TENM3: variants seen among roughly 807,000 people sequenced by gnomAD.
TENM3 encodes teneurin-3.
In TENM3, 63 loss-of-function variants were observed where a neutral mutation model predicts 255.1. That is an observed-to-expected ratio of 0.25 (90% confidence interval 0.20 to 0.30). The LOEUF (loss-of-function observed/expected upper bound fraction) is 0.30. Ranked by LOEUF, TENM3 falls within the 10% of genes least tolerant of loss-of-function variation. TENM3 has a pLI of 1.00. For synonymous variants in TENM3, 1,306 were observed against 1,322.3 expected (o/e 0.99, Z 0.27); for missense variants, 2,929 against 3,461.1 (o/e 0.85, Z 3.86).
intron 1 of TENM3, among the ~76,000 whole-genome samples, chr4:182,215,549 T>TA (rs748540584): frequency 6.6e-6 from 1 of 152,200 alleles, no homozygotes; most frequent in Non-Finnish European, 1.5e-5. Flanking sequence ...AAAATCCTCT[T>TA]ACGTTCATTT....
In TENM3 at chr4:182,601,081, C is replaced by T. The variant is rs781215278; in HGVS notation, c.669C>T (p.Pro223=). 79 of 1,613,680 alleles carry T rather than the reference C, an allele frequency of 4.9e-5. No individual in the cohort carries two copies. The highest frequency in any genetic ancestry group is 4.7e-4 in the East Asian group (21 of 44,838). Reference sequence around the variant, plus strand: ...GTCCGGCCCCGCCGGCTGCTTTGCCCGCCGAGCTGCAAACCACACCCGAGT... The same window carrying T: ...GTCCGGCCCCGCCGGCTGCTTTGCCTGCCGAGCTGCAAACCACACCCGAGT... The part of the protein sequence containing the change: ...NQSPAPPAAL[P]AELQTTPESV... Residue 223 remains proline (P), a synonymous_variant, in exon 4 of 28, where the codon CCC becomes CCT. Transcript: ENST00000511685.
intron 3 of TENM3, among the ~76,000 whole-genome samples, chr4:182,455,586 G>A (rs1413429621): frequency 1.8e-5 from 2 of 113,628 alleles, no homozygotes; most frequent in East Asian, 2.6e-4. Context: ...TTTTGAGACC[G>A]AGTCTCACTA....
the TENM3 span, among the ~76,000 whole-genome samples, chr4:181,761,461 C>T: frequency 6.6e-6 from 1 of 151,916 alleles, no homozygotes; most frequent in African/African-American, 2.4e-5. Context: ...GGAGAAATGA[C>T]TCATATTCTC....
the TENM3 span, among the ~76,000 whole-genome samples, chr4:182,028,833 A>G: frequency 6.6e-6 from 1 of 151,866 alleles, no homozygotes; most frequent in African/African-American, 2.4e-5. Context: ...CAATTTTTTA[A>G]ATATTTTAAG....
intron 3 of TENM3, among the ~76,000 whole-genome samples, chr4:182,387,992 AT>A (rs1001421832): frequency 2.0e-5 from 3 of 150,568 alleles, no homozygotes; most frequent in Non-Finnish European, 3.0e-5. Flanking sequence ...TTGCTTTGGA[AT>A]TTTTTTTTCT....
the TENM3 span, among the ~76,000 whole-genome samples, chr4:181,855,001 G>A: frequency 1.3e-5 from 2 of 151,990 alleles, no homozygotes; most frequent in Non-Finnish European, 2.9e-5. Flanking sequence ...TAATTGGTTG[G>A]GTATATACTG....
At chr4:182,628,460 G>A (rs1464383875) in intron 4 of TENM3, among the ~76,000 whole-genome samples, 191 bp from the exon 5 acceptor site, 2 of 152,054 alleles carry the variant, frequency 1.3e-5, no homozygotes, top group South Asian at 2.1e-4. Context: ...TTTCATTAGA[G>A]TCATTATTGT....
chr4:182,666,165 G>A (rs973617948), intron 6 of TENM3, among the ~76,000 whole-genome samples: 2 of 152,162 alleles, frequency 1.3e-5, no homozygotes, highest in Non-Finnish European at 2.9e-5. Flanking sequence ...ACGAGGAGTT[G>A]TTCTTATGGA....
chr4:181,673,078 A>T, the TENM3 span, among the ~76,000 whole-genome samples: 2 of 152,220 alleles, frequency 1.3e-5, no homozygotes, highest in Admixed American at 6.5e-5. Flanking sequence ...TAGAACTAGG[A>T]CCCTAGGCAT....
the TENM3 span, among the ~76,000 whole-genome samples, chr4:181,882,116 C>A: frequency 1.4e-4 from 22 of 152,122 alleles, no homozygotes; most frequent in South Asian, 3.3e-3. Context: ...GCTTCTGAGT[C>A]CCCCCCGTTC....
intron 1 of TENM3, among the ~76,000 whole-genome samples, chr4:182,255,425 C>T (rs150263447): frequency 1.4e-4 from 22 of 152,308 alleles, no homozygotes; most frequent in Non-Finnish European, 3.1e-4. Context: ...CCCGCTGTCT[C>T]GTTCACTCCC....
chr4:182,250,710 T>G (rs151183483), intron 1 of TENM3, among the ~76,000 whole-genome samples: 112 of 152,348 alleles, frequency 7.4e-4, no homozygotes, highest in Admixed American at 1.2e-3. Context: ...AAATTAGTCA[T>G]TCTGGCTAAC....
At chr4:182,319,090 G>A (rs1255112042) in intron 1 of TENM3, among the ~76,000 whole-genome samples, 2 of 152,082 alleles carry the variant, frequency 1.3e-5, no homozygotes, top group African/African-American at 4.8e-5. Flanking sequence ...TCTTTTGTTT[G>A]TTTTTTTGTT....
In TENM3 at chr4:182,579,342, T is replaced by C. The variant is rs79212392; in HGVS notation, c.512-21582T>C. 6.9e-3 allele frequency among the ~76,000 whole-genome samples: 1,044 copies of C among 150,572 alleles called. 39 individuals are homozygous for C. The East Asian group carries it at 0.083, about 12-fold the overall frequency. On this transcript the variant is annotated intron_variant, in intron 3 of 27. Coordinates refer to ENST00000511685, the MANE Select transcript of TENM3 (RefSeq NM_001080477.4). ...AATAAATGAGAGGTAGGGAAGGGTC[T>C]AGGTAGGATAATGCAATGGGAAAAC... is the stretch of plus-strand genomic sequence containing the variant.
chr4:182,094,813 A>C, the TENM3 span, among the ~76,000 whole-genome samples: 1 of 152,192 alleles, frequency 6.6e-6, no homozygotes, highest in African/African-American at 2.4e-5. Context: ...AAAGTGCAGA[A>C]ATGAGATGAC....
the TENM3 span, among the ~76,000 whole-genome samples, chr4:181,490,581 G>C: frequency 6.6e-6 from 1 of 152,014 alleles, no homozygotes; most frequent in Non-Finnish European, 1.5e-5. Flanking sequence ...CAGAACTAGT[G>C]GTAGTCATTT....
chr4:182,502,896 T>G (rs79390841), intron 3 of TENM3, among the ~76,000 whole-genome samples: 5,853 of 148,652 alleles, frequency 0.039, 220 homozygotes, highest in East Asian at 0.1. Context: ...GTTTTGTGAT[T>G]GGATGAAGTC....
the TENM3 span, among the ~76,000 whole-genome samples, chr4:181,895,347 T>C: frequency 6.6e-6 from 1 of 151,996 alleles, no homozygotes; most frequent in Admixed American, 6.6e-5. Context: ...AATAAGTTTC[T>C]TTCTGAATCA....
chr4:181,646,902 T>C, the TENM3 span, among the ~76,000 whole-genome samples: 107 of 152,308 alleles, frequency 7.0e-4, no homozygotes, highest in African/African-American at 2.5e-3. Flanking sequence ...GTAGAATTGG[T>C]TAAGGAAACT....
Sources: allele counts gnomAD v4.1 joint callset (sites outside exome capture counted in the v4.1 genomes callset), GRCh38; gene constraint gnomAD v4.1.1; transcripts MANE v1.5; gene names NCBI Gene and HGNC (gene_info 2026-07-23, HGNC 2026-07-21).